The following LRP2 variants were observed in gnomAD, a reference collection of about 807,000 sequenced individuals.
LRP2 encodes the protein LDL receptor related protein 2.
LRP2 carries 172 observed loss-of-function variants against 531.0 expected under a neutral mutation model. The observed-to-expected ratio is 0.32, with a 90% confidence interval of 0.29 to 0.37. The LOEUF (loss-of-function observed/expected upper bound fraction) is 0.37, where lower values mean the gene tolerates loss of function less well. Among genes scored for constraint, LRP2 ranks in the 10% least tolerant of loss-of-function variants. LRP2 has a pLI of 1.00. For synonymous variants in LRP2, 1,992 were observed against 2,027.6 expected, an observed-to-expected ratio of 0.98 and a Z score of 0.47; for missense variants, 5,167 against 5,868.3, an observed-to-expected ratio of 0.88 and a Z score of 3.90.
chr2:169,260,732 T>C (rs760413912), intron 16 of LRP2, among the ~76,000 whole-genome samples: 2 of 151,994 alleles, frequency 1.3e-5, no homozygotes, highest in Admixed American at 6.6e-5. Flanking sequence ...CCCATAATTA[T>C]TTATAGTTGC....
chr2:169,294,485 C>A, intron 5 of LRP2, 115 bp downstream of exon 5: 1 of 852,226 alleles, frequency 1.2e-6, no homozygotes. Context: ...TGACTTCAAA[C>A]TACCAACATG....
chr2:169,237,009 A>G, intron 28 of LRP2, 94 bp downstream of exon 28: 1 of 1,075,038 alleles, frequency 9.3e-7, no homozygotes, highest in African/African-American at 1.5e-5. Context: ...AATTTTGCAT[A>G]TCAGCAACAT....
At position 169,233,438 on chromosome 2, in the gene LRP2, C is replaced by T; in HGVS notation, c.5071G>A (p.Ala1691Thr). ...YNIQWPLGIV[A>T]VHPSKQPNSV... ...TTTGGTTGTTTCGAAGGATGAACCGCAACAATCCCAAGGGGCCATTGAATA... is the reference window on the plus strand; with the variant it reads ...TTTGGTTGTTTCGAAGGATGAACCGTAACAATCCCAAGGGGCCATTGAATA... The change falls in exon 30 of 79, where the codon GCG becomes ACG. Residue 1691 changes from alanine to threonine, a missense_variant. Ala to Thr is a moderately conservative substitution (Grantham distance 58, BLOSUM62 0). Coordinates refer to ENST00000649046, the MANE Select transcript of LRP2 (RefSeq NM_004525.3). 1 of 1,614,116 alleles carries T rather than the reference C, an allele frequency of 6.2e-7. No individual in the cohort carries two copies. Among genetic ancestry groups the T allele is most frequent in the Non-Finnish European group, 8.5e-7 (1 of 1,180,036 alleles).
intron 59 of LRP2, among the ~76,000 whole-genome samples, chr2:169,170,195 G>C (rs1686942715): frequency 6.6e-6 from 1 of 152,196 alleles, no homozygotes; most frequent in Non-Finnish European, 1.5e-5. Context: ...CTACACAAGA[G>C]AGTCATAGGA....
At chr2:169,313,770 T>C (rs542612523) in intron 3 of LRP2, among the ~76,000 whole-genome samples, 1 of 152,320 alleles carries the variant, frequency 6.6e-6, no homozygotes, top group East Asian at 1.9e-4. Context: ...GTCTTCTATG[T>C]TGCTCACGCT....
chr2:169,284,150 G>T (rs1278766827), intron 9 of LRP2, among the ~76,000 whole-genome samples: 1 of 151,244 alleles, frequency 6.6e-6, no homozygotes, highest in African/African-American at 2.4e-5. Flanking sequence ...TGCAGCAACT[G>T]TCAGAGTTGT....
At chr2:169,329,950 T>C (rs1263861464) in intron 1 of LRP2, among the ~76,000 whole-genome samples, 1 of 152,090 alleles carries the variant, frequency 6.6e-6, no homozygotes, top group Non-Finnish European at 1.5e-5. Flanking sequence ...GTCAGATGAG[T>C]GGCTGCATTA....
Position 169,202,905 on chromosome 2 carries a change from T to C in LRP2, c.8060A>G (p.Asn2687Ser). The part of the protein sequence containing the change: ...CPHEGNWYLA[N>S]NRKHCIVDNG... ...GTCCACAATGCAGTGCTTCCTGTTG[T>C]TGGCCAAATACCAGTTGCCCTCATG... Residue 2687 changes from asparagine (N) to serine (S), a missense_variant, in exon 43 of 79, where the codon AAC becomes AGC. By Grantham distance (46) the Asn-to-Ser change is conservative (BLOSUM62 1). Transcript: ENST00000649046. 6.2e-7 allele frequency: 1 copy of C among 1,614,228 alleles called. No homozygotes were observed. The highest frequency in any genetic ancestry group is 8.5e-7 in the Non-Finnish European group (1 of 1,180,034).
chr2:169,216,499 A>C lies in LRP2; in HGVS notation c.5649-69T>G, dbSNP rs1029741227. ...GATTTGAGTCAGTGACATAAATGAC[A>C]ATGTGTATTACTTGTCCTCAAGATG... On this transcript the variant is annotated intron_variant, in intron 34 of 78. Transcript: ENST00000649046. 1.3e-5 allele frequency: 19 copies of C among 1,464,298 alleles called. No homozygotes were observed. In the Admixed American group the frequency reaches 2.0e-4, roughly 16 times the overall value. The allele number at this position is 1,464,298 out of a possible 1,614,324, so 90.7% of individuals were successfully genotyped here. A position where few individuals can be genotyped will look rare whatever the true frequency, so the allele number is the denominator to read the frequency against.
intron 65 of LRP2, 26 bp downstream of exon 65, chr2:169,156,248 T>C: frequency 6.2e-7 from 1 of 1,613,260 alleles, no homozygotes; most frequent in African/African-American, 1.3e-5. Context: ...CAAAAGTCAA[T>C]TAATCCCAAC....
At chr2:169,270,471 T>C (rs6706284) in intron 16 of LRP2, among the ~76,000 whole-genome samples, 129,022 of 151,738 alleles carry the variant, frequency 0.85, 55,425 homozygotes, top group East Asian at 0.97. Flanking sequence ...ATGGATGAAA[T>C]TGGAAATCAT....
intron 2 of LRP2, among the ~76,000 whole-genome samples, chr2:169,319,527 G>A (rs1684856153): frequency 6.6e-6 from 1 of 152,154 alleles, no homozygotes; most frequent in Non-Finnish European, 1.5e-5. Flanking sequence ...TATAATACAG[G>A]TAACAATCTC....
intron 62 of LRP2, among the ~76,000 whole-genome samples, chr2:169,164,800 G>C (rs774953048): frequency 6.6e-6 from 1 of 152,116 alleles, no homozygotes; most frequent in Non-Finnish European, 1.5e-5. Flanking sequence ...AAGAATAGAA[G>C]TTTATGGATT....
In LRP2 at chr2:169,233,522, G is replaced by T; in HGVS notation, c.4987C>A (p.Arg1663Ser). 5.0e-6 allele frequency: 8 copies of T among 1,614,074 alleles called. No individual in the cohort carries two copies. Among genetic ancestry groups the T allele is most frequent in the Non-Finnish European group, 6.8e-6 (8 of 1,180,022 alleles). The change falls in exon 30 of 79, where the codon CGT (arginine) becomes AGT (serine). Residue 1663 changes from arginine to serine, a missense_variant. Arg to Ser is a moderately radical substitution (Grantham distance 110, BLOSUM62 -1). Transcript: ENST00000649046. ...CACTTGTTGGCTCGCATAACCCGAC[G>T]AGTAGCACGGTCAGTCCAGTACACA... ...DSVYWTDRATRRVMRANKWHG... is the reference protein window; with the variant it reads ...DSVYWTDRATSRVMRANKWHG...
At chr2:169,226,671 C>A in intron 31 of LRP2, 83 bp from the exon 32 acceptor site, 1 of 991,848 alleles carries the variant, frequency 1.0e-6, no homozygotes, top group Non-Finnish European at 1.6e-6. Context: ...TAGCCTGTTA[C>A]CATCATATGG....
Position 169,162,529 on chromosome 2 carries a change from C to T in LRP2, c.11830G>A (p.Asp3944Asn), listed in dbSNP as rs1686626762. The change falls in exon 63 of 79, where the codon GAC becomes AAC. Residue 3944 changes from aspartate to asparagine, a missense_variant. Asp to Asn is a conservative substitution (Grantham distance 23, BLOSUM62 1). This residue lies in a region of LRP2 where 564 missense variants were observed against 747.7 expected (regional missense o/e 0.75). Coordinates refer to ENST00000649046, the MANE Select transcript of LRP2 (RefSeq NM_004525.3). ...TCATCGGCATCATCACACACATTGT[C>T]ATGTGGAATGCAATGCCCATTGCCA... is the stretch of plus-strand genomic sequence containing the variant. ...KCGNGHCIPH[D>N]NVCDDADDCG... 1 of 1,614,070 alleles carries T rather than the reference C, an allele frequency of 6.2e-7. No individual in the cohort carries two copies. The highest frequency in any genetic ancestry group is 1.3e-5 in the African/African-American group (1 of 75,064).
At chr2:169,236,339 T>C (rs1689604052) in intron 28 of LRP2, among the ~76,000 whole-genome samples, 1 of 152,204 alleles carries the variant, frequency 6.6e-6, no homozygotes, top group Non-Finnish European at 1.5e-5. Context: ...TTGAAATGTC[T>C]CAATGCCAAT....
intron 30 of LRP2, among the ~76,000 whole-genome samples, chr2:169,232,606 C>T (rs1399291274): frequency 2.0e-5 from 3 of 151,994 alleles, no homozygotes; most frequent in Non-Finnish European, 4.4e-5. Flanking sequence ...GAGGGGGTGG[C>T]TATTTTAGGT....
At chr2:169,334,798 C>T (rs1384018927) in intron 1 of LRP2, among the ~76,000 whole-genome samples, 2 of 152,142 alleles carry the variant, frequency 1.3e-5, no homozygotes, top group East Asian at 1.9e-4. Context: ...TTCTTACCTA[C>T]AAAATTTCTG....
Sources: allele counts gnomAD v4.1 joint callset (sites outside exome capture counted in the v4.1 genomes callset), GRCh38; gene constraint gnomAD v4.1.1; regional missense constraint gnomAD v4.1.1; transcripts MANE v1.5; gene names NCBI Gene and HGNC (gene_info 2026-07-23, HGNC 2026-07-21).